Variants in CTTNBP2 observed in about 807,000 individuals in gnomAD.
The protein encoded by CTTNBP2 is cortactin binding protein 2.
In CTTNBP2, 108 loss-of-function variants were observed where a neutral mutation model predicts 156.9. The observed-to-expected ratio is 0.69, with a 90% CI of 0.59 to 0.81. The LOEUF (loss-of-function observed/expected upper bound fraction) is 0.81, where lower values mean the gene tolerates loss of function less well. Ranked by LOEUF, CTTNBP2 falls within the 30% of genes least tolerant of loss-of-function variation. The probability of loss-of-function intolerance (pLI) is 0.00; values close to 1 mark genes in which losing one functional copy is unlikely to be tolerated. For missense variants in CTTNBP2, 1,924 were observed against 2,035.4 expected, an observed-to-expected ratio of 0.95 and a Z score of 1.05; for synonymous variants, 767 against 751.8, an observed-to-expected ratio of 1.02 and a Z score of -0.33.
At chr7:117,777,797 G>T in intron 7 of CTTNBP2, 32 bp from the exon 8 acceptor site, 1 of 1,585,254 alleles carries the variant, frequency 6.3e-7, no homozygotes, top group South Asian at 1.1e-5. Flanking sequence ...GGAAAGGGTT[G>T]ATAACAACAT....
chr7:117,856,876 T>C (rs1408398925), intron 2 of CTTNBP2, among the ~76,000 whole-genome samples: 4 of 152,236 alleles, frequency 2.6e-5, no homozygotes, highest in African/African-American at 9.6e-5. Context: ...GTCTTGACTT[T>C]GTCTCTCTTT....
Position 117,777,636 on chromosome 7 carries a change from CAA to C in CTTNBP2, c.2651_2652del (p.Phe884Ter). 1.2e-6 allele frequency: 2 copies of C among 1,614,058 alleles called. No homozygotes were observed. Among genetic ancestry groups the C allele is most frequent in the East Asian group, 4.5e-5 (2 of 44,870 alleles). On this transcript the variant is annotated frameshift_variant, in exon 8 of 23. Coordinates refer to ENST00000160373, the MANE Select transcript of CTTNBP2 (RefSeq NM_033427.3). LOFTEE classifies it high-confidence loss of function. The stretch of plus-strand genomic sequence containing the variant: ...GGACTCTCTTCTCCTCCATCCAAGT[CAA>C]AGACACTTGACTCGGACTCCTCCTC... ...FNEEESESSV[F>X]DLDGGEESPE...
intron 22 of CTTNBP2, 140 bp from the exon 23 acceptor site, chr7:117,711,922 G>A: frequency 6.5e-6 from 5 of 767,998 alleles, no homozygotes; most frequent in Non-Finnish European, 1.0e-5. Flanking sequence ...AGAAAATGGA[G>A]AGGAGAAGCT....
intron 2 of CTTNBP2, among the ~76,000 whole-genome samples, chr7:117,819,714 A>G (rs1362811967): frequency 6.6e-6 from 1 of 152,120 alleles, no homozygotes; most frequent in Non-Finnish European, 1.5e-5. Context: ...GTCAGAGAAG[A>G]GGTAAGCTTT....
intron 3 of CTTNBP2, among the ~76,000 whole-genome samples, chr7:117,794,877 C>CTTTTT (rs755340586): frequency 1.5e-4 from 13 of 88,322 alleles, no homozygotes; most frequent in African/African-American, 3.2e-4. Context: ...ATATGTATAT[C>CTTTTT]TTTTTTTTTT....
At position 117,791,417 on chromosome 7, in the gene CTTNBP2, T is replaced by C. The variant is rs140806793; in HGVS notation, c.1779A>G (p.Gln593=). Residue 593 remains glutamine, a synonymous_variant, in exon 4 of 23, where the codon CAA becomes CAG. Transcript: ENST00000160373. ...TCTCCTCATTGATCACCCTGTTCCCTTGTGGCAAACTGGAAGGAGTCGAAG... is the reference window on the plus strand; with the variant it reads ...TCTCCTCATTGATCACCCTGTTCCCCTGTGGCAAACTGGAAGGAGTCGAAG... The part of the protein sequence containing the change: ...TVASTPSSLP[Q]GNRVINEENL... The C allele has an allele frequency of 8.2e-5, 132 of 1,614,210 alleles. No homozygotes were observed. The African/African-American group carries it at 1.3e-3, about 16-fold the overall frequency.
At chr7:117,802,583 A>G (rs1357354905) in intron 3 of CTTNBP2, among the ~76,000 whole-genome samples, 1 of 152,154 alleles carries the variant, frequency 6.6e-6, no homozygotes, top group Non-Finnish European at 1.5e-5. Flanking sequence ...GACCAAAGAA[A>G]CACTCAATGA....
intron 12 of CTTNBP2, chr7:117,755,592 T>C (rs1349199159): frequency 2.1e-6 from 1 of 467,648 alleles, no homozygotes; most frequent in East Asian, 6.9e-5. Flanking sequence ...ATGGATGAAA[T>C]TATCTCATAG....
At chr7:117,755,677 T>C (rs1486292318) in intron 12 of CTTNBP2, 1 of 412,982 alleles carries the variant, frequency 2.4e-6, no homozygotes, top group Non-Finnish European at 4.8e-6. Flanking sequence ...AAGTATTTAA[T>C]GAATGCAAAG....
chr7:117,822,940 A>G (rs1291093978), intron 2 of CTTNBP2, among the ~76,000 whole-genome samples: 1 of 152,234 alleles, frequency 6.6e-6, no homozygotes, highest in Non-Finnish European at 1.5e-5. Context: ...ATTAAAAGCT[A>G]CTATGATTAT....
intron 2 of CTTNBP2, among the ~76,000 whole-genome samples, chr7:117,837,365 C>T (rs1253732772): frequency 6.6e-6 from 1 of 152,138 alleles, no homozygotes; most frequent in Non-Finnish European, 1.5e-5. Flanking sequence ...ATTTTGACAG[C>T]ATTCTTTGCA....
intron 3 of CTTNBP2, among the ~76,000 whole-genome samples, chr7:117,799,347 G>C (rs977181135): frequency 6.6e-6 from 1 of 151,600 alleles, no homozygotes; most frequent in Non-Finnish European, 1.5e-5. Context: ...GGTCTAAGTT[G>C]GTTTAATATT....
chr7:117,802,538 A>G (rs373055339), intron 3 of CTTNBP2, among the ~76,000 whole-genome samples: 2 of 152,044 alleles, frequency 1.3e-5, no homozygotes, highest in African/African-American at 4.8e-5. Flanking sequence ...ACAAATTGTT[A>G]AATGGGACCT....
chr7:117,760,800 T>C (rs1168336673), intron 9 of CTTNBP2, 90 bp from the exon 10 acceptor site: 2 of 861,730 alleles, frequency 2.3e-6, no homozygotes, highest in Non-Finnish European at 3.5e-6. Context: ...GATATAAACA[T>C]TTAAAAATTA....
At chr7:117,719,368 G>C in intron 21 of CTTNBP2, 136 bp downstream of exon 21, 1 of 796,320 alleles carries the variant, frequency 1.3e-6, no homozygotes, top group Non-Finnish European at 1.9e-6. Flanking sequence ...GCCTTTCTAA[G>C]CAAGGTGAGG....
At chr7:117,828,493 A>G (rs778239040) in intron 2 of CTTNBP2, among the ~76,000 whole-genome samples, 8 of 152,206 alleles carry the variant, frequency 5.3e-5, no homozygotes, top group Non-Finnish European at 5.9e-5. Flanking sequence ...TATCATTTGC[A>G]GTAACAGGGT....
In CTTNBP2 at chr7:117,760,496, G is replaced by T; in HGVS notation, c.3111C>A (p.Cys1037Ter). Residue 1037 changes from cysteine (C) to a stop codon, truncating the protein, a stop_gained, in exon 10 of 23, where the codon TGC (cysteine) becomes TGA (stop). Coordinates refer to ENST00000160373, the MANE Select transcript of CTTNBP2 (RefSeq NM_033427.3). LOFTEE classifies it high-confidence loss of function. ...CGATGTTGGAATCAGTGGTGTTATT[G>T]CAAGTCACGTCTTCCAGACTCCACC... ...DGWWSLEDVTCNNTTDSNIGL... is the reference protein window; with the variant it reads ...DGWWSLEDVT 1 of 1,614,086 alleles carries T rather than the reference G, an allele frequency of 6.2e-7. No individual in the cohort carries two copies. The highest frequency in any genetic ancestry group is 8.5e-7 in the Non-Finnish European group (1 of 1,179,956).
intron 3 of CTTNBP2, among the ~76,000 whole-genome samples, chr7:117,801,086 C>T (rs975801996): frequency 6.6e-6 from 1 of 152,118 alleles, no homozygotes; most frequent in Admixed American, 6.5e-5. Context: ...TGACTCCACA[C>T]TGATGTAATA....
intron 8 of CTTNBP2, 132 bp downstream of exon 8, chr7:117,777,379 T>C (rs1324686735): frequency 2.2e-6 from 2 of 889,044 alleles, no homozygotes; most frequent in Non-Finnish European, 3.5e-6. Context: ...CAATTTGTAT[T>C]GGTAAATAAC....
Sources: allele counts gnomAD v4.1 joint callset (sites outside exome capture counted in the v4.1 genomes callset), GRCh38; gene constraint gnomAD v4.1.1; transcripts MANE v1.5; gene names NCBI Gene and HGNC (gene_info 2026-07-23, HGNC 2026-07-21).